The following FAM178B variants were observed in gnomAD, a reference collection of about 807,000 sequenced individuals.
The protein encoded by FAM178B is protein FAM178B.
FAM178B carries 82 observed loss-of-function variants against 91.7 expected under a neutral mutation model. That is an observed-to-expected ratio of 0.89 (90% CI 0.75 to 1.07). The LOEUF (loss-of-function observed/expected upper bound fraction) is 1.07. FAM178B is among the 50% of genes least tolerant of loss of function. The pLI is 0.00. For missense variants in FAM178B, 769 were observed against 846.7 expected, an observed-to-expected ratio of 0.91 and a Z score of 1.14; for synonymous variants, 368 against 359.4, an observed-to-expected ratio of 1.02 and a Z score of -0.27.
chr2:96,924,320 CAAGT>C (rs1025660374), intron 9 of FAM178B, among the ~76,000 whole-genome samples: 2 of 152,184 alleles, frequency 1.3e-5, no homozygotes, highest in Non-Finnish European at 2.9e-5. Flanking sequence ...CACAAGCCAG[CAAGT>C]ATGGGGGAAA....
intron 13 of FAM178B, among the ~76,000 whole-genome samples, chr2:96,894,897 C>CCTCACCCACA (rs926142293): frequency 7.4e-6 from 1 of 135,288 alleles, no homozygotes; most frequent in South Asian, 2.6e-4. Context: ...CCCCACAGAC[C>CCTCACCCACA]CTCACCCACA....
intron 12 of FAM178B, among the ~76,000 whole-genome samples, chr2:96,905,564 AAAAAAGAAAAAG>A (rs1377076776): frequency 1.9e-4 from 28 of 150,738 alleles, no homozygotes; most frequent in African/African-American, 6.8e-4. Flanking sequence ...CTCAAAAAAA[AAAAAAGAAAAAG>A]AAAAAGAAAA....
chr2:96,962,457 GAAAGA>G (rs1559099378), intron 5 of FAM178B, among the ~76,000 whole-genome samples: 7 of 148,882 alleles, frequency 4.7e-5, no homozygotes, highest in Admixed American at 1.3e-4. Flanking sequence ...AAGAAAGAAA[GAAAGA>G]AAAAAAAGCC....
chr2:96,927,060 A>G (rs890989924), intron 9 of FAM178B, among the ~76,000 whole-genome samples: 1 of 152,218 alleles, frequency 6.6e-6, no homozygotes, highest in African/African-American at 2.4e-5. Context: ...GAACACAGGG[A>G]GAAGATAGCC....
intron 4 of FAM178B, among the ~76,000 whole-genome samples, chr2:96,968,546 T>C (rs2082176444): frequency 6.6e-6 from 1 of 152,042 alleles, no homozygotes; most frequent in African/African-American, 2.4e-5. Context: ...AGGCCTGTCG[T>C]GAGCTCAGAT....
intron 14 of FAM178B, among the ~76,000 whole-genome samples, chr2:96,888,201 A>C (rs1267791803): frequency 6.6e-6 from 1 of 152,192 alleles, no homozygotes; most frequent in Non-Finnish European, 1.5e-5. Flanking sequence ...GATGTTCTGT[A>C]CTTTGGAGGA....
At chr2:96,970,651 G>A in intron 4 of FAM178B, 65 bp downstream of exon 4, 2 of 1,273,086 alleles carry the variant, frequency 1.6e-6, no homozygotes, top group East Asian at 2.5e-5. Context: ...TCTGCAGTGA[G>A]TCCCGGGACT....
chr2:96,984,364 T>TCA (rs2082398354), intron 1 of FAM178B, among the ~76,000 whole-genome samples: 1 of 152,212 alleles, frequency 6.6e-6, no homozygotes, highest in Non-Finnish European at 1.5e-5. Context: ...CTTCTATGTG[T>TCA]CAGGCAGTAT....
chr2:96,916,993 CCA>C (rs1260487008), intron 12 of FAM178B, among the ~76,000 whole-genome samples: 1 of 152,116 alleles, frequency 6.6e-6, no homozygotes, highest in Non-Finnish European at 1.5e-5. Context: ...CACTGAAGAC[CCA>C]CAGTGAGTAC....
chr2:96,963,933 A>G lies in FAM178B; in HGVS notation c.735-3493T>C, dbSNP rs532164564. ...ACGCCTGTAATCCCAGCACTTGGGG[A>G]GGCCGAGGCAGGCAGATTGCTTGAG... On this transcript the variant is annotated intron_variant, in intron 5 of 16. Coordinates refer to ENST00000490605, the MANE Select transcript of FAM178B (RefSeq NM_001122646.3). Among the ~76,000 whole-genome samples, 4 of 152,302 alleles carry G rather than the reference A, an allele frequency of 2.6e-5. No homozygotes were observed. In the South Asian group the frequency reaches 8.3e-4, roughly 32 times the overall value.
chr2:96,936,948 A>G (rs1028543800), intron 8 of FAM178B, among the ~76,000 whole-genome samples: 2 of 152,094 alleles, frequency 1.3e-5, no homozygotes, highest in African/African-American at 4.8e-5. Context: ...CTGAGAGCCT[A>G]ACACAGTGGT....
intron 14 of FAM178B, among the ~76,000 whole-genome samples, chr2:96,893,586 C>T (rs2080734344): frequency 6.6e-6 from 1 of 152,032 alleles, no homozygotes; most frequent in Non-Finnish European, 1.5e-5. Flanking sequence ...CCATCCCCTC[C>T]CTGGCATCCA....
At position 96,986,291 on chromosome 2, in the gene FAM178B, G is replaced by A. The variant is rs1001999979; in HGVS notation, c.23C>T (p.Ala8Val). MWPRLPG[A>V]GLAPQLRRQD... The stretch of plus-strand genomic sequence containing the variant: ...CCTCCTGAGTTGTGGAGCGAGGCCC[G>A]CACCTGGAAGCCTTGGCCACATAGG... The change falls in exon 1 of 17, where the codon GCG becomes GTG. Residue 8 changes from alanine to valine, a missense_variant. Ala to Val is a moderately conservative substitution (Grantham distance 64). Transcript: ENST00000490605. The A allele has an allele frequency of 1.2e-5, 18 of 1,534,196 alleles. No individual in the cohort carries two copies. In the African/African-American group the frequency reaches 1.8e-4, roughly 15 times the overall value.
chr2:96,923,129 C>T (rs991236032), intron 10 of FAM178B, among the ~76,000 whole-genome samples: 5 of 151,974 alleles, frequency 3.3e-5, no homozygotes, highest in African/African-American at 9.7e-5. Context: ...CCACCATGCC[C>T]GGCTGATTTT....
At chr2:96,938,841 C>T (rs150655981) in intron 8 of FAM178B, 27 of 152,476 alleles carry the variant, frequency 1.8e-4, no homozygotes, top group African/African-American at 5.5e-4. Context: ...CGGCACACGC[C>T]CGCAGGGCAG....
chr2:96,876,471 C>T (rs564902825), intron 16 of FAM178B, among the ~76,000 whole-genome samples, 163 bp from the exon 17 acceptor site: 12 of 152,308 alleles, frequency 7.9e-5, no homozygotes, highest in Admixed American at 4.6e-4. Flanking sequence ...GAGGACACAG[C>T]GGTCATCAGG....
intron 7 of FAM178B, among the ~76,000 whole-genome samples, chr2:96,948,593 G>A (rs1361658450): frequency 6.6e-6 from 1 of 152,212 alleles, no homozygotes; most frequent in Non-Finnish European, 1.5e-5. Flanking sequence ...CCAAGTTCAC[G>A]ACAGTGGCAG....
At chr2:96,916,049 G>A (rs914588796) in intron 12 of FAM178B, among the ~76,000 whole-genome samples, 9 of 152,140 alleles carry the variant, frequency 5.9e-5, no homozygotes, top group African/African-American at 1.4e-4. Flanking sequence ...GAACTGAATC[G>A]ATGGTGGGGC....
intron 7 of FAM178B, among the ~76,000 whole-genome samples, chr2:96,948,669 C>A (rs1382193437): frequency 6.6e-6 from 1 of 152,210 alleles, no homozygotes; most frequent in Non-Finnish European, 1.5e-5. Flanking sequence ...GCACTGTGGG[C>A]ACATCTCCTT....
Sources: allele counts gnomAD v4.1 joint callset (sites outside exome capture counted in the v4.1 genomes callset), GRCh38; gene constraint gnomAD v4.1.1; transcripts MANE v1.5; gene names NCBI Gene and HGNC (gene_info 2026-07-23, HGNC 2026-07-21).